Variants in ATL3 observed in about 807,000 individuals in gnomAD.
ATL3 encodes atlastin-3.
A neutral mutation model predicts 69.5 loss-of-function variants in ATL3; 49 were observed. The observed-to-expected ratio is 0.71, with a 90% CI of 0.56 to 0.89. The LOEUF (loss-of-function observed/expected upper bound fraction) is 0.89, where lower values mean the gene tolerates loss of function less well. Among genes scored for constraint, ATL3 ranks in the 40% least tolerant of loss-of-function variants. The pLI is 0.00. For synonymous variants in ATL3, 214 were observed against 224.1 expected (o/e 0.95, Z 0.40); for missense variants, 606 against 645.7 (o/e 0.94, Z 0.67).
chr11:63,632,284 A>T (rs1939346980), intron 11 of ATL3: 2 of 764,300 alleles, frequency 2.6e-6, no homozygotes, highest in African/African-American at 1.7e-5. Flanking sequence ...GTATGGCTGT[A>T]TAGCTCACTG....
intron 1 of ATL3, among the ~76,000 whole-genome samples, chr11:63,666,107 G>A (rs1940565868): frequency 6.6e-6 from 1 of 151,950 alleles, no homozygotes; most frequent in South Asian, 2.1e-4. Context: ...CAGCCTCCCA[G>A]TATCATCTCA....
At chr11:63,664,699 C>T (rs1361827812) in intron 1 of ATL3, among the ~76,000 whole-genome samples, 12 of 149,884 alleles carry the variant, frequency 8.0e-5, no homozygotes, top group Admixed American at 2.6e-4. Flanking sequence ...CTTGGCTCAG[C>T]GCAACCTCCG....
chr11:63,671,069 G>A (rs1041640350), intron 1 of ATL3, among the ~76,000 whole-genome samples: 1 of 152,154 alleles, frequency 6.6e-6, no homozygotes, highest in Non-Finnish European at 1.5e-5. Flanking sequence ...GCCGCCCCCG[G>A]CCGAAAAGTA....
intron 1 of ATL3, among the ~76,000 whole-genome samples, chr11:63,665,345 CAAAA>C (rs1234905053): frequency 6.6e-5 from 5 of 75,252 alleles, no homozygotes; most frequent in Admixed American, 1.6e-4. Flanking sequence ...GACTCCATCT[CAAAA>C]AAAAAAAAAA....
In ATL3 at chr11:63,671,368, G is replaced by A. The variant is rs1459787410; in HGVS notation, c.-33C>T. On this transcript the variant is annotated 5_prime_UTR_variant, in exon 1 of 13. Transcript: ENST00000398868. ...CCGCCTTCAAAGCAGAAGCAGCAGG[G>A]GTGCAGAGGAGAGGGACGGGTGCGG... 2.6e-6 allele frequency: 4 copies of A among 1,566,780 alleles called. No individual in the cohort carries two copies. The highest frequency in any genetic ancestry group is 5.0e-5 in the East Asian group (2 of 39,616).
At chr11:63,641,897 T>C (rs78871409) in intron 8 of ATL3, among the ~76,000 whole-genome samples, 16,547 of 152,232 alleles carry the variant, frequency 0.11, 1,052 homozygotes, top group Middle Eastern at 0.17. Context: ...AAGAATGCCA[T>C]GTGTGTGTGT....
At chr11:63,670,037 C>T (rs902814008) in intron 1 of ATL3, among the ~76,000 whole-genome samples, 1 of 152,038 alleles carries the variant, frequency 6.6e-6, no homozygotes, top group African/African-American at 2.4e-5. Context: ...ACCCAGGAAG[C>T]GGAGGTTGCA....
At chr11:63,632,761 C>T in intron 11 of ATL3, 1 of 972,404 alleles carries the variant, frequency 1.0e-6, no homozygotes, top group Non-Finnish European at 1.6e-6. Context: ...TTGTCTCCTG[C>T]TCATGTGAAT....
chr11:63,642,426 T>C (rs1321050775), intron 8 of ATL3, among the ~76,000 whole-genome samples: 2 of 152,226 alleles, frequency 1.3e-5, no homozygotes, highest in African/African-American at 4.8e-5. Flanking sequence ...ATGCATTTTA[T>C]ATTTAATATG....
intron 5 of ATL3, among the ~76,000 whole-genome samples, chr11:63,648,809 T>TA (rs1181518895): frequency 7.5e-4 from 98 of 130,030 alleles, no homozygotes; most frequent in South Asian, 1.7e-3. Flanking sequence ...ACTCTGTCTC[T>TA]AAAAAAAAAA....
chr11:63,631,842 C>A (rs1430590394), intron 11 of ATL3, among the ~76,000 whole-genome samples: 6 of 152,020 alleles, frequency 3.9e-5, no homozygotes, highest in African/African-American at 1.2e-4. Flanking sequence ...ATTAGCCGGG[C>A]GTGATGGCAG....
At chr11:63,646,086 G>A (rs2134495189) in intron 6 of ATL3, among the ~76,000 whole-genome samples, 1 of 151,636 alleles carries the variant, frequency 6.6e-6, no homozygotes, top group East Asian at 1.9e-4. Flanking sequence ...GAGATGTCTT[G>A]CTATGTTGCC....
intron 5 of ATL3, among the ~76,000 whole-genome samples, chr11:63,651,218 A>G (rs1472952402): frequency 6.6e-6 from 1 of 152,160 alleles, no homozygotes; most frequent in Non-Finnish European, 1.5e-5. Context: ...GCACTTTGGG[A>G]GGCCGAGGCA....
intron 1 of ATL3, among the ~76,000 whole-genome samples, chr11:63,669,012 G>C (rs1940681621): frequency 1.5e-5 from 2 of 132,576 alleles, no homozygotes; most frequent in Middle Eastern, 3.5e-3. Context: ...TTTTTTTTTG[G>C]GTGGGGGGGG....
In ATL3 at chr11:63,639,153, C is replaced by T. The variant is rs77837441; in HGVS notation, c.851-2819G>A. ...CTACTAACAGGTCTCCTACAATAAA[C>T]TGTGTGTGGTTCTCAAGCTAGCACT... On this transcript the variant is annotated intron_variant, in intron 8 of 12. Transcript: ENST00000398868. 2.8e-4 allele frequency among the ~76,000 whole-genome samples: 43 copies of T among 152,230 alleles called. No individual in the cohort carries two copies. In the East Asian group the frequency reaches 7.7e-3, roughly 27 times the overall value.
chr11:63,655,378 T>C (rs1326642639), intron 3 of ATL3, among the ~76,000 whole-genome samples: 1 of 151,894 alleles, frequency 6.6e-6, no homozygotes, highest in Non-Finnish European at 1.5e-5. Flanking sequence ...CTCGAACTCC[T>C]GACCTCAGGT....
In ATL3 at chr11:63,670,746, G is replaced by C. The variant is rs140983781; in HGVS notation, c.46+544C>G. On this transcript the variant is annotated intron_variant, in intron 1 of 12. Coordinates refer to ENST00000398868, the MANE Select transcript of ATL3 (RefSeq NM_015459.5). ...TACTTGTGGTCAGTGCCTCAAGGTCGTTAGGATAAAAATAAAGCTTCCAAG... is the reference window on the plus strand; with the variant it reads ...TACTTGTGGTCAGTGCCTCAAGGTCCTTAGGATAAAAATAAAGCTTCCAAG... 4.9e-3 allele frequency among the ~76,000 whole-genome samples: 740 copies of C among 152,358 alleles called. 7 individuals carry two copies. Among genetic ancestry groups the C allele is most frequent in the African/African-American group, 0.017 (720 of 41,582 alleles).
chr11:63,631,670 T>C (rs1939323121), intron 11 of ATL3, among the ~76,000 whole-genome samples, 199 bp from the exon 12 acceptor site: 1 of 152,176 alleles, frequency 6.6e-6, no homozygotes, highest in African/African-American at 2.4e-5. Context: ...ACCAGGGTGA[T>C]AATATCAATT....
chr11:63,657,834 T>C (rs1276895112), intron 3 of ATL3, among the ~76,000 whole-genome samples: 1 of 150,470 alleles, frequency 6.6e-6, no homozygotes, highest in African/African-American at 2.4e-5. Flanking sequence ...GAAAACACAA[T>C]ATGAAACTAA....
Sources: gnomAD v4.1 joint callset for allele counts (sites outside exome capture counted in the v4.1 genomes callset) on GRCh38, gnomAD v4.1.1 for gene constraint, MANE v1.5 for transcripts, NCBI Gene and HGNC (gene_info 2026-07-23, HGNC 2026-07-21) for gene names.